Variants in CLMP observed in about 807,000 individuals in gnomAD.
CLMP encodes the protein CXADR-like membrane protein.
Under a neutral mutation model 45.2 loss-of-function variants are expected in CLMP, and 27 were observed. That is an observed-to-expected ratio of 0.60 (90% CI 0.44 to 0.82). The LOEUF (loss-of-function observed/expected upper bound fraction) is 0.82. CLMP is among the 40% of genes least tolerant of loss of function. The pLI is 0.00. For missense variants in CLMP, 403 were observed against 448.4 expected (o/e 0.90, Z 0.91); for synonymous variants, 167 against 171.4 (o/e 0.97, Z 0.20).
chr11:123,191,044 T>C (rs914948848), intron 1 of CLMP, among the ~76,000 whole-genome samples: 5 of 152,214 alleles, frequency 3.3e-5, no homozygotes, highest in African/African-American at 1.2e-4. Context: ...GAGGTCTCAA[T>C]GAGGTCTTAA....
intron 1 of CLMP, among the ~76,000 whole-genome samples, chr11:123,177,515 A>C (rs1224740057): frequency 2.0e-5 from 3 of 152,228 alleles, no homozygotes; most frequent in Non-Finnish European, 2.9e-5. Flanking sequence ...TGAGGGGTTC[A>C]TGGGAATCTG....
chr11:123,090,287 T>C (rs1025704329), intron 2 of CLMP, among the ~76,000 whole-genome samples: 165 of 87,022 alleles, frequency 1.9e-3, no homozygotes, highest in African/African-American at 7.7e-3. Context: ...TCCACTAAAA[T>C]ACAAAAAAAA....
rs1555084543 is a variant in CLMP, at chr11:123,150,480, A to AGG, written c.28+44432_28+44433insCC. 1.0e-3 allele frequency among the ~76,000 whole-genome samples: 43 copies of AGG among 40,988 alleles called. 2 individuals are homozygous for AGG. The highest frequency in any genetic ancestry group is 1.1e-3 in the Non-Finnish European group (23 of 21,266). The allele number at this position is 40,988 out of a possible 152,430, so 26.9% of individuals were successfully genotyped here. A position where few individuals can be genotyped will look rare whatever the true frequency, so the allele number is the denominator to read the frequency against. On this transcript the variant is annotated intron_variant, in intron 1 of 6. Coordinates refer to ENST00000448775, the MANE Select transcript of CLMP (RefSeq NM_024769.5). ...GAAAGAAAGAAAGAAAGAAAGAAAGAAAGGAAGGAAGGAAGGAAGGAAGGA... is the reference window on the plus strand; with the variant it reads ...GAAAGAAAGAAAGAAAGAAAGAAAGAGGAAGGAAGGAAGGAAGGAAGGAAGGA...
At chr11:123,123,259 C>CTT (rs11458946) in intron 1 of CLMP, among the ~76,000 whole-genome samples, 38,299 of 117,562 alleles carry the variant, frequency 0.33, 7,792 homozygotes, top group African/African-American at 0.54. Flanking sequence ...TCTTTCTTTC[C>CTT]TTTTTTTTTT....
intron 1 of CLMP, among the ~76,000 whole-genome samples, chr11:123,137,555 G>C (rs1442266754): frequency 6.6e-6 from 1 of 152,048 alleles, no homozygotes; most frequent in Non-Finnish European, 1.5e-5. Flanking sequence ...GGACGGCGCT[G>C]GCCAAGAGGT....
At chr11:123,120,782 G>A (rs1318968296) in intron 1 of CLMP, among the ~76,000 whole-genome samples, 4 of 151,852 alleles carry the variant, frequency 2.6e-5, no homozygotes, top group Admixed American at 6.6e-5. Context: ...GTTTCTATTC[G>A]CTTTTCTCTT....
chr11:123,132,787 A>ATT (rs550655741), intron 1 of CLMP, among the ~76,000 whole-genome samples: 54 of 144,224 alleles, frequency 3.7e-4, no homozygotes, highest in African/African-American at 1.3e-3. Flanking sequence ...TTATTTATTT[A>ATT]TTTTTTTTTG....
intron 1 of CLMP, among the ~76,000 whole-genome samples, chr11:123,172,122 A>G (rs73612467): frequency 0.071 from 10,832 of 152,044 alleles, 1,237 homozygotes; most frequent in African/African-American, 0.24. Context: ...ATATAGATTC[A>G]TGAATCCTAA....
intron 5 of CLMP, among the ~76,000 whole-genome samples, chr11:123,075,833 C>G (rs924900180): frequency 1.3e-5 from 2 of 151,810 alleles, no homozygotes; most frequent in Admixed American, 1.3e-4. Context: ...TCCCTGTTTT[C>G]TCTAACATCT....
At chr11:123,114,982 A>T (rs1359052404) in intron 1 of CLMP, among the ~76,000 whole-genome samples, 1 of 152,002 alleles carries the variant, frequency 6.6e-6, no homozygotes, top group Non-Finnish European at 1.5e-5. Context: ...GCTAACACAA[A>T]TTTTTTGCTC....
At chr11:123,109,059 C>CAAAAAAAAAAAAAAAAAA (rs776811883) in intron 1 of CLMP, among the ~76,000 whole-genome samples, 1 of 64,244 alleles carries the variant, frequency 1.6e-5, no homozygotes, top group Non-Finnish European at 3.1e-5. Context: ...AACTCTGTCT[C>CAAAAAAAAAAAAAAAAAA]AAAAAAAAAA....
intron 6 of CLMP, 28 bp from the exon 7 acceptor site, chr11:123,073,802 C>T (rs1865703306): frequency 6.5e-7 from 1 of 1,539,284 alleles, no homozygotes; most frequent in African/African-American, 1.4e-5. Context: ...CAAAGATTAA[C>T]ACTGGCAGAT....
chr11:123,073,418 G>T lies in CLMP; in HGVS notation c.*56C>A. On this transcript the variant is annotated 3_prime_UTR_variant, in exon 7 of 7. Transcript: ENST00000448775. Reference sequence around the variant, plus strand: ...CTGGTGACTTGAGCTCCAATGACGAGAAGAGTCCAAAGACCCTGACTCCTA... The same window carrying T: ...CTGGTGACTTGAGCTCCAATGACGATAAGAGTCCAAAGACCCTGACTCCTA... The T allele has an allele frequency of 6.5e-7, 1 of 1,533,050 alleles. No individual in the cohort carries two copies. The allele number at this position is 1,533,050 out of a possible 1,614,324, so 95.0% of individuals were successfully genotyped here.
At chr11:123,186,503 T>C (rs1017282215) in intron 1 of CLMP, among the ~76,000 whole-genome samples, 3 of 149,934 alleles carry the variant, frequency 2.0e-5, no homozygotes, top group African/African-American at 7.3e-5. Flanking sequence ...TGTGGAGAGT[T>C]GGGGCACAAT....
chr11:123,098,004 T>C, intron 1 of CLMP, 52 bp from the exon 2 acceptor site: 1 of 1,392,856 alleles, frequency 7.2e-7, no homozygotes, highest in African/African-American at 1.5e-5. Context: ...TGGCAATGTG[T>C]GGGGAGCAAA....
intron 1 of CLMP, among the ~76,000 whole-genome samples, chr11:123,131,819 T>A (rs1438312725): frequency 6.6e-6 from 1 of 152,136 alleles, no homozygotes; most frequent in Non-Finnish European, 1.5e-5. Flanking sequence ...TTTCACCATG[T>A]TGGCCAGGCT....
chr11:123,118,909 G>A (rs1016572245), intron 1 of CLMP, among the ~76,000 whole-genome samples: 1 of 145,024 alleles, frequency 6.9e-6, no homozygotes. Flanking sequence ...TCTTCCAGGT[G>A]ATCTTTGCAT....
chr11:123,072,036 C>G lies in CLMP; in HGVS notation c.*1438G>C, dbSNP rs925809253. 6.6e-6 allele frequency: 1 copy of G among 152,198 alleles called. No homozygotes were observed. The highest frequency in any genetic ancestry group is 1.5e-5 in the Non-Finnish European group (1 of 68,034). 9.4% of individuals were successfully genotyped at this position (152,198 alleles called of 1,614,324 possible). On this transcript the variant is annotated 3_prime_UTR_variant, in exon 7 of 7. Transcript: ENST00000448775. ...CACCCACTACTTATTCTCATCTCTTCCCTAAATATTAGTACCCTTTTCTTC... is the reference window on the plus strand; with the variant it reads ...CACCCACTACTTATTCTCATCTCTTGCCTAAATATTAGTACCCTTTTCTTC...
chr11:123,145,588 G>C (rs990253856), intron 1 of CLMP, among the ~76,000 whole-genome samples: 1 of 150,290 alleles, frequency 6.7e-6, no homozygotes, highest in African/African-American at 2.4e-5. Context: ...TCAGCTTCCC[G>C]AGTAGCTGGG....
Sources: allele counts gnomAD v4.1 joint callset (sites outside exome capture counted in the v4.1 genomes callset), GRCh38; gene constraint gnomAD v4.1.1; transcripts MANE v1.5; gene names NCBI Gene and HGNC (gene_info 2026-07-23, HGNC 2026-07-21).